The following TMEM132D variants were observed in gnomAD, a reference collection of about 807,000 sequenced individuals.
The protein encoded by TMEM132D is transmembrane protein 132D, also known as mature OL transmembrane protein.
A neutral mutation model predicts 62.3 loss-of-function variants in TMEM132D; 21 were observed. That is an observed-to-expected ratio of 0.34 (90% CI 0.24 to 0.49). TMEM132D has a LOEUF of 0.49. TMEM132D is among the 20% of genes least tolerant of loss of function. The pLI, the probability that TMEM132D is intolerant of heterozygous loss-of-function variation, is 0.99. For missense variants in TMEM132D, 1,346 were observed against 1,402.8 expected (o/e 0.96, Z 0.65); for synonymous variants, 621 against 575.6 (o/e 1.08, Z -1.13).
intron 1 of TMEM132D, among the ~76,000 whole-genome samples, chr12:129,807,644 ATC>A (rs998949752): frequency 6.6e-5 from 10 of 152,190 alleles, no homozygotes; most frequent in Non-Finnish European, 1.5e-4. Flanking sequence ...GATTGTTAAC[ATC>A]TGTCTTCCGA....
At chr12:129,500,208 T>C (rs1875092885) in intron 3 of TMEM132D, among the ~76,000 whole-genome samples, 1 of 137,166 alleles carries the variant, frequency 7.3e-6, no homozygotes, top group Non-Finnish European at 1.5e-5. Flanking sequence ...TACCTCCAAC[T>C]ACATACCCTG....
At chr12:129,350,840 G>T (rs889564836) in intron 3 of TMEM132D, among the ~76,000 whole-genome samples, 1 of 152,104 alleles carries the variant, frequency 6.6e-6, no homozygotes, top group Non-Finnish European at 1.5e-5. Context: ...CCTATAAAGA[G>T]ACAAGAAGGC....
At chr12:129,870,216 C>T (rs987288494) in intron 1 of TMEM132D, among the ~76,000 whole-genome samples, 1 of 152,094 alleles carries the variant, frequency 6.6e-6, no homozygotes, top group Admixed American at 6.6e-5. Flanking sequence ...CCCCTGGGCT[C>T]AAGAGATCCA....
At chr12:129,814,769 A>G (rs929600337) in intron 1 of TMEM132D, among the ~76,000 whole-genome samples, 2 of 152,092 alleles carry the variant, frequency 1.3e-5, no homozygotes, top group Admixed American at 6.6e-5. Flanking sequence ...AGCTCCTTTT[A>G]GGTCCTCTAA....
chr12:129,245,713 G>A (rs1189934748), intron 4 of TMEM132D, among the ~76,000 whole-genome samples: 1 of 152,166 alleles, frequency 6.6e-6, no homozygotes, highest in African/African-American at 2.4e-5. Context: ...CACCGTGGTG[G>A]CTAAAAATGA....
chr12:129,250,382 T>A (rs1285585416), intron 4 of TMEM132D, among the ~76,000 whole-genome samples: 1 of 152,228 alleles, frequency 6.6e-6, no homozygotes, highest in African/African-American at 2.4e-5. Flanking sequence ...GCTCAATATA[T>A]TCCTGGAAAT....
rs1369936446 is a variant in TMEM132D at position 129,420,314 on chromosome 12, T to G, written c.1116-82497A>C. Among the ~76,000 whole-genome samples the G allele has an allele frequency of 6.9e-3, 379 of 55,216 alleles. 5 individuals carry two copies. Among genetic ancestry groups the G allele is most frequent in the African/African-American group, 0.02 (360 of 17,584 alleles). 36.2% of individuals were successfully genotyped at this position (55,216 alleles called of 152,430 possible). A position where few individuals can be genotyped will look rare whatever the true frequency, so the allele number is the denominator to read the frequency against. On this transcript the variant is annotated intron_variant, in intron 3 of 8. Transcript: ENST00000422113. ...ATTATTGCACGTTCTCTGTTTTTTTTTTTTTTTTTTTTTTTTGCAGTATCT... is the reference window on the plus strand; with the variant it reads ...ATTATTGCACGTTCTCTGTTTTTTTGTTTTTTTTTTTTTTTTGCAGTATCT...
chr12:129,298,146 G>C (rs1024624731), intron 4 of TMEM132D, among the ~76,000 whole-genome samples: 1 of 152,118 alleles, frequency 6.6e-6, no homozygotes, highest in Non-Finnish European at 1.5e-5. Context: ...CATGGGTGTA[G>C]AGGGTAGGAC....
chr12:129,662,562 A>C (rs2137192846), intron 2 of TMEM132D, among the ~76,000 whole-genome samples: 1 of 152,340 alleles, frequency 6.6e-6, no homozygotes, highest in South Asian at 2.1e-4. Flanking sequence ...TGGGAGGCCA[A>C]GGCAGGCGGA....
At chr12:129,485,814 G>A (rs1874564031) in intron 3 of TMEM132D, among the ~76,000 whole-genome samples, 1 of 152,154 alleles carries the variant, frequency 6.6e-6, no homozygotes, top group African/African-American at 2.4e-5. Context: ...TCCTTACCTG[G>A]CATCCTAGGT....
chr12:129,544,822 TCAG>T (rs1256590208), intron 2 of TMEM132D, among the ~76,000 whole-genome samples: 1 of 152,218 alleles, frequency 6.6e-6, no homozygotes, highest in Non-Finnish European at 1.5e-5. Context: ...GTAACACTTA[TCAG>T]TCAGTTATGT....
intron 2 of TMEM132D, among the ~76,000 whole-genome samples, chr12:129,540,999 G>A (rs1261865784): frequency 6.6e-6 from 1 of 152,290 alleles, no homozygotes; most frequent in South Asian, 2.1e-4. Context: ...ATATGCAGGT[G>A]AGAAGAAACA....
chr12:129,642,078 C>G (rs186455384), intron 2 of TMEM132D, among the ~76,000 whole-genome samples: 3 of 151,916 alleles, frequency 2.0e-5, no homozygotes, highest in Non-Finnish European at 4.4e-5. Context: ...AGAGACGGGA[C>G]GCTAGCCAGG....
chr12:129,464,372 C>T (rs1873808972), intron 3 of TMEM132D, among the ~76,000 whole-genome samples: 1 of 152,144 alleles, frequency 6.6e-6, no homozygotes, highest in Admixed American at 6.5e-5. Flanking sequence ...TGGATATTAG[C>T]CCTTTGTCAG....
intron 5 of TMEM132D, among the ~76,000 whole-genome samples, chr12:129,159,829 TG>T (rs1220933012): frequency 7.3e-5 from 11 of 150,268 alleles, no homozygotes; most frequent in African/African-American, 2.7e-4. Context: ...AAAACAGATA[TG>T]GTTCTAAGAC....
intron 1 of TMEM132D, among the ~76,000 whole-genome samples, chr12:129,878,670 G>A (rs534445058): frequency 1.3e-5 from 2 of 151,632 alleles, no homozygotes; most frequent in Admixed American, 1.3e-4. Flanking sequence ...TCCACCTCCC[G>A]GGTTCAAACG....
At chr12:129,085,100 G>A (rs910852254) in intron 5 of TMEM132D, 2 of 278,110 alleles carry the variant, frequency 7.2e-6, no homozygotes, top group Non-Finnish European at 1.3e-5. Flanking sequence ...TGACTACCTG[G>A]TGGGGTGAGA....
chr12:129,781,064 A>G (rs1451088742), intron 1 of TMEM132D, among the ~76,000 whole-genome samples: 2 of 152,240 alleles, frequency 1.3e-5, no homozygotes, highest in Non-Finnish European at 2.9e-5. Flanking sequence ...CACAAAGTGA[A>G]TGACAAGGAG....
chr12:129,508,882 C>T (rs1875420504), intron 3 of TMEM132D, among the ~76,000 whole-genome samples: 1 of 151,260 alleles, frequency 6.6e-6, no homozygotes, highest in African/African-American at 2.4e-5. Context: ...ATGGTTGCTA[C>T]AGCATGACAG....
Sources: gnomAD v4.1 joint callset for allele counts (sites outside exome capture counted in the v4.1 genomes callset) on GRCh38, gnomAD v4.1.1 for gene constraint, MANE v1.5 for transcripts, NCBI Gene and HGNC (gene_info 2026-07-23, HGNC 2026-07-21) for gene names.